CPNE4: variants seen among roughly 807,000 people sequenced by gnomAD.
CPNE4 encodes the protein copine 4, also known as copine-4.
In CPNE4, 25 loss-of-function variants were observed where a neutral mutation model predicts 67.9. The observed-to-expected ratio is 0.37, with a 90% CI of 0.27 to 0.51. The LOEUF is 0.51. CPNE4 is among the 20% of genes least tolerant of loss of function. CPNE4 has a pLI of 0.93. For synonymous variants in CPNE4, 242 were observed against 244.9 expected, an observed-to-expected ratio of 0.99 and a Z score of 0.11; for missense variants, 464 against 690.8, an observed-to-expected ratio of 0.67 and a Z score of 3.68.
At chr3:131,617,224 AG>A (rs1228474387) in intron 7 of CPNE4, among the ~76,000 whole-genome samples, 10 of 152,238 alleles carry the variant, frequency 6.6e-5, no homozygotes, top group Admixed American at 4.6e-4. Context: ...AGGTTGTGGA[AG>A]GGGAGATTAC....
intron 11 of CPNE4, among the ~76,000 whole-genome samples, chr3:131,558,842 T>A (rs1290190301): frequency 1.3e-5 from 2 of 151,652 alleles, no homozygotes; most frequent in Non-Finnish European, 2.9e-5. Context: ...TTTCTGGGGA[T>A]ATGAGGACAT....
At chr3:131,691,725 G>A (rs1181469250) in intron 5 of CPNE4, among the ~76,000 whole-genome samples, 1 of 151,966 alleles carries the variant, frequency 6.6e-6, no homozygotes, top group African/African-American at 2.4e-5. Context: ...AAAAAAGTGG[G>A]CTACTATGAT....
chr3:131,948,205 C>T (rs1025626386), intron 1 of CPNE4, among the ~76,000 whole-genome samples: 1 of 151,938 alleles, frequency 6.6e-6, no homozygotes, highest in African/African-American at 2.4e-5. Context: ...CCCCATAGTC[C>T]CCACATGTCA....
chr3:131,579,723 C>A (rs1470857373), intron 9 of CPNE4, among the ~76,000 whole-genome samples: 2 of 152,090 alleles, frequency 1.3e-5, no homozygotes, highest in Admixed American at 1.3e-4. Context: ...GTAGAAATAG[C>A]AAGGGAACCG....
At chr3:131,664,969 T>A (rs997291010) in intron 7 of CPNE4, among the ~76,000 whole-genome samples, 7 of 152,194 alleles carry the variant, frequency 4.6e-5, no homozygotes, top group Non-Finnish European at 7.3e-5. Flanking sequence ...GATCTGAATA[T>A]TTAAGGTATT....
chr3:131,651,967 G>T (rs554048877), intron 7 of CPNE4, among the ~76,000 whole-genome samples: 1 of 152,088 alleles, frequency 6.6e-6, no homozygotes, highest in Non-Finnish European at 1.5e-5. Flanking sequence ...TCCCAACACC[G>T]GTGTACCCAG....
chr3:131,664,841 G>C (rs1243061330), intron 7 of CPNE4, among the ~76,000 whole-genome samples: 2 of 152,120 alleles, frequency 1.3e-5, no homozygotes, highest in East Asian at 3.8e-4. Context: ...GTCTATCCTA[G>C]AATATGGCAT....
At chr3:131,665,648 G>C (rs975423323) in intron 7 of CPNE4, among the ~76,000 whole-genome samples, 2 of 134,776 alleles carry the variant, frequency 1.5e-5, no homozygotes, top group Non-Finnish European at 3.2e-5. Flanking sequence ...AACAGAGCAA[G>C]AGTCCATCTC....
chr3:131,954,949 T>C (rs898834690), intron 1 of CPNE4, among the ~76,000 whole-genome samples: 1 of 135,646 alleles, frequency 7.4e-6, no homozygotes, highest in African/African-American at 2.7e-5. Context: ...AGTGCCGCAA[T>C]AAACATACGT....
At chr3:131,712,724 C>A (rs2107725587) in intron 3 of CPNE4, among the ~76,000 whole-genome samples, 1 of 152,304 alleles carries the variant, frequency 6.6e-6, no homozygotes, top group Admixed American at 6.5e-5. Context: ...GTGTTTCATG[C>A]TTTAGGGCTA....
intron 4 of CPNE4, among the ~76,000 whole-genome samples, chr3:131,698,233 C>CAA (rs369274504): frequency 0.017 from 1,126 of 64,408 alleles, 64 homozygotes; most frequent in African/African-American, 0.084. Flanking sequence ...GGCTCTGTCT[C>CAA]AAAAAAAAAA....
intron 1 of CPNE4, among the ~76,000 whole-genome samples, chr3:131,981,302 G>C (rs574477845): frequency 3.3e-5 from 5 of 151,670 alleles, no homozygotes; most frequent in Non-Finnish European, 5.9e-5. Flanking sequence ...GGTAGGGAAG[G>C]ACCATCAGGT....
chr3:131,961,963 C>T (rs1455766186), intron 1 of CPNE4, among the ~76,000 whole-genome samples: 1 of 152,212 alleles, frequency 6.6e-6, no homozygotes, highest in Non-Finnish European at 1.5e-5. Flanking sequence ...TATCTCTATC[C>T]CATCTGGCCA....
chr3:132,033,424 TGTG>T (rs1344709158), intron 1 of CPNE4, among the ~76,000 whole-genome samples: 7 of 152,082 alleles, frequency 4.6e-5, no homozygotes, highest in African/African-American at 1.4e-4. Flanking sequence ...TGTGTGTGTG[TGTG>T]TAGAGGGAGA....
At chr3:131,660,882 G>C (rs1360877275) in intron 7 of CPNE4, among the ~76,000 whole-genome samples, 1 of 152,168 alleles carries the variant, frequency 6.6e-6, no homozygotes, top group Non-Finnish European at 1.5e-5. Flanking sequence ...AATATAGGCA[G>C]CAATGCTAGA....
At chr3:131,687,876 G>C (rs1356704386) in intron 5 of CPNE4, among the ~76,000 whole-genome samples, 1 of 152,214 alleles carries the variant, frequency 6.6e-6, no homozygotes, top group Non-Finnish European at 1.5e-5. Flanking sequence ...AAGGTATAAG[G>C]AGTATTGAGG....
chr3:131,919,113 G>T (rs1054344630), intron 1 of CPNE4, among the ~76,000 whole-genome samples: 2 of 152,100 alleles, frequency 1.3e-5, no homozygotes, highest in African/African-American at 4.8e-5. Flanking sequence ...ATGCCTGCTG[G>T]ATTCAGCAAC....
At chr3:131,586,265 G>A (rs1938175203) in intron 8 of CPNE4, among the ~76,000 whole-genome samples, 1 of 152,150 alleles carries the variant, frequency 6.6e-6, no homozygotes, top group African/African-American at 2.4e-5. Flanking sequence ...AGGTGTCTTG[G>A]GTTGAGTTCC....
At position 131,688,937 on chromosome 3, in the gene CPNE4, T is replaced by C. The variant is rs540762123; in HGVS notation, c.508-2979A>G. On this transcript the variant is annotated intron_variant, in intron 5 of 15. Coordinates refer to ENST00000429747, the MANE Select transcript of CPNE4 (RefSeq NM_130808.3). ...ATTTCTTTTGCTTGTTGTATACATA[T>C]TTACATGTTGTATATTACAATGCTT... Among the ~76,000 whole-genome samples, 9 of 152,324 alleles carry C rather than the reference T, an allele frequency of 5.9e-5. No individual in the cohort carries two copies. The South Asian group carries it at 1.9e-3, about 32-fold the overall frequency.
Sources: allele counts gnomAD v4.1 joint callset (sites outside exome capture counted in the v4.1 genomes callset), GRCh38; gene constraint gnomAD v4.1.1; transcripts MANE v1.5; gene names NCBI Gene and HGNC (gene_info 2026-07-23, HGNC 2026-07-21).